FKBP9: variants seen among roughly 807,000 people sequenced by gnomAD.
FKBP9 encodes the protein peptidyl-prolyl cis-trans isomerase FKBP9.
A neutral mutation model predicts 55.6 loss-of-function variants in FKBP9; 27 were observed. That is an observed-to-expected ratio of 0.49 (90% CI 0.36 to 0.67). The LOEUF (loss-of-function observed/expected upper bound fraction) is 0.67. Among genes scored for constraint, FKBP9 ranks in the 30% least tolerant of loss-of-function variants. The pLI is 0.00. For synonymous variants in FKBP9, 267 were observed against 296.5 expected, an observed-to-expected ratio of 0.90 and a Z score of 1.02; for missense variants, 539 against 742.8, an observed-to-expected ratio of 0.73 and a Z score of 3.19.
intron 7 of FKBP9, among the ~76,000 whole-genome samples, chr7:32,996,906 T>C (rs1212034731): frequency 6.8e-6 from 1 of 146,786 alleles, no homozygotes; most frequent in African/African-American, 2.5e-5. Context: ...GCCATTCTCC[T>C]GCCTCAGCCT....
At chr7:32,959,288 C>T (rs1461856369) in intron 1 of FKBP9, among the ~76,000 whole-genome samples, 2 of 152,106 alleles carry the variant, frequency 1.3e-5, no homozygotes, top group African/African-American at 4.8e-5. Context: ...GCCTGTAATC[C>T]CAACTACGCG....
intron 8 of FKBP9, 91 bp downstream of exon 8, chr7:33,000,351 T>C (rs1784909470): frequency 7.0e-7 from 1 of 1,420,354 alleles, no homozygotes; most frequent in Admixed American, 2.2e-5. Flanking sequence ...AATCACAGCA[T>C]GCTTCTTACA....
At chr7:32,961,928 A>G (rs112581006) in intron 1 of FKBP9, among the ~76,000 whole-genome samples, 12,990 of 152,040 alleles carry the variant, frequency 0.085, 599 homozygotes, top group East Asian at 0.19. Context: ...GGTGAGTTGT[A>G]TAATTATTTC....
intron 4 of FKBP9, chr7:32,979,580 G>T (rs1406239402): frequency 1.3e-6 from 2 of 1,549,040 alleles, no homozygotes; most frequent in Non-Finnish European, 1.7e-6. Context: ...ATAACAAATG[G>T]CAGGTAAAAC....
intron 1 of FKBP9, among the ~76,000 whole-genome samples, chr7:32,963,347 T>C (rs1784063421): frequency 6.6e-6 from 1 of 151,992 alleles, no homozygotes; most frequent in African/African-American, 2.4e-5. Context: ...GGTATTTTTT[T>C]TTTTCATCCC....
At chr7:32,960,700 A>G (rs1200787345) in intron 1 of FKBP9, among the ~76,000 whole-genome samples, 2 of 152,148 alleles carry the variant, frequency 1.3e-5, no homozygotes, top group Non-Finnish European at 2.9e-5. Context: ...CCATCCATTC[A>G]TCAAACGTTT....
chr7:32,979,390 C>T (rs971671724), intron 4 of FKBP9: 9 of 721,626 alleles, frequency 1.2e-5, no homozygotes, highest in East Asian at 5.4e-5. Context: ...CCCACGCATG[C>T]GATTTAGGGA....
At chr7:32,977,329 A>G (rs939910896) in intron 4 of FKBP9, among the ~76,000 whole-genome samples, 5 of 152,226 alleles carry the variant, frequency 3.3e-5, no homozygotes, top group Admixed American at 6.5e-5. Flanking sequence ...AGGCATCATT[A>G]GGCAATTGCA....
intron 5 of FKBP9, among the ~76,000 whole-genome samples, chr7:32,987,396 G>A (rs1784600872): frequency 6.6e-6 from 1 of 151,658 alleles, no homozygotes; most frequent in African/African-American, 2.4e-5. Context: ...TTGAGGGGCT[G>A]AGGTGGAAGG....
At chr7:32,972,752 C>A (rs1583847086) in intron 1 of FKBP9, among the ~76,000 whole-genome samples, 1 of 152,110 alleles carries the variant, frequency 6.6e-6, no homozygotes, top group South Asian at 2.1e-4. Context: ...AAGTTTCACT[C>A]TGTCACCCAG....
chr7:32,967,605 C>T (rs552806749), intron 1 of FKBP9, among the ~76,000 whole-genome samples: 1 of 152,232 alleles, frequency 6.6e-6, no homozygotes, highest in Non-Finnish European at 1.5e-5. Context: ...TGTGTGTATA[C>T]CACATATTTT....
intron 1 of FKBP9, among the ~76,000 whole-genome samples, chr7:32,965,866 T>TATATATATGTATAC (rs70989913): frequency 3.1e-5 from 3 of 97,538 alleles, no homozygotes; most frequent in African/African-American, 9.5e-5. Flanking sequence ...TATATATATA[T>TATATATATGTATAC]ACATACATAT....
intron 4 of FKBP9, among the ~76,000 whole-genome samples, chr7:32,977,347 G>A (rs1784379978): frequency 6.6e-6 from 1 of 152,174 alleles, no homozygotes; most frequent in Non-Finnish European, 1.5e-5. Context: ...GCATTGTTGT[G>A]CAAATGCCAT....
chr7:33,005,933 C>A lies in FKBP9; in HGVS notation c.*582C>A, dbSNP rs909273528. Reference sequence around the variant, plus strand: ...CATCATGCTTTTCCAGCTCATCACACCCCGCCCCACTATGGGCCTACCATT... The same window carrying A: ...CATCATGCTTTTCCAGCTCATCACAACCCGCCCCACTATGGGCCTACCATT... On this transcript the variant is annotated 3_prime_UTR_variant, in exon 10 of 10. Transcript: ENST00000242209. The A allele has an allele frequency of 4.3e-5, 10 of 232,156 alleles. No homozygotes were observed. In the East Asian group the frequency reaches 6.1e-4, roughly 14 times the overall value. 14.4% of individuals were successfully genotyped at this position (232,156 alleles called of 1,614,324 possible). A position where few individuals can be genotyped will look rare whatever the true frequency, so the allele number is the denominator to read the frequency against.
At chr7:32,976,725 G>A (rs1167535683) in intron 4 of FKBP9, among the ~76,000 whole-genome samples, 1 of 152,152 alleles carries the variant, frequency 6.6e-6, no homozygotes, top group African/African-American at 2.4e-5. Context: ...ACGTTGCTGA[G>A]GACCACCATA....
At position 32,992,088 on chromosome 7, in the gene FKBP9, T is replaced by C. The variant is rs944671695; in HGVS notation, c.1039+3436T>C. Among the ~76,000 whole-genome samples, 28 of 152,092 alleles carry C rather than the reference T, an allele frequency of 1.8e-4. 1 individual carries two copies. Among genetic ancestry groups the C allele is most frequent in the African/African-American group, 6.8e-4 (28 of 41,412 alleles). On this transcript the variant is annotated intron_variant, in intron 6 of 9. Coordinates refer to ENST00000242209, the MANE Select transcript of FKBP9 (RefSeq NM_007270.5). The stretch of plus-strand genomic sequence containing the variant: ...AGGGCTCTCTGACCCATATGTGTCC[T>C]AGACAGACAGAAAGAATGAGTCCCC...
chr7:32,958,834 C>T (rs932666588), intron 1 of FKBP9, among the ~76,000 whole-genome samples: 1 of 152,170 alleles, frequency 6.6e-6, no homozygotes, highest in East Asian at 1.9e-4. Context: ...ACAGGCCTCT[C>T]TTCGTCCAGC....
chr7:32,968,085 G>T (rs1395571557), intron 1 of FKBP9, among the ~76,000 whole-genome samples: 5 of 152,090 alleles, frequency 3.3e-5, no homozygotes, highest in Admixed American at 6.6e-5. Context: ...GTTGCCCAGG[G>T]TCGAGTGCAG....
At chr7:32,957,938 A>G (rs1207169314) in intron 1 of FKBP9, 144 bp downstream of exon 1, 22 of 653,714 alleles carry the variant, frequency 3.4e-5, no homozygotes, top group Non-Finnish European at 4.4e-5. Context: ...ATCCTCCCGG[A>G]CCCCAGACCC....
Sources: allele counts gnomAD v4.1 joint callset (sites outside exome capture counted in the v4.1 genomes callset), GRCh38; gene constraint gnomAD v4.1.1; transcripts MANE v1.5; gene names NCBI Gene and HGNC (gene_info 2026-07-23, HGNC 2026-07-21).